The following THADA variants were observed in gnomAD, a reference collection of about 807,000 sequenced individuals.
The protein encoded by THADA is tRNA (32-2'-O)-methyltransferase regulator THADA.
THADA carries 213 observed loss-of-function variants against 219.8 expected under a neutral mutation model. That is an observed-to-expected ratio of 0.97 (90% CI 0.87 to 1.09). The LOEUF (loss-of-function observed/expected upper bound fraction) is 1.09, where lower values mean the gene tolerates loss of function less well. THADA is among the 50% of genes least tolerant of loss of function. The probability of loss-of-function intolerance (pLI) is 0.00; values close to 1 mark genes in which losing one functional copy is unlikely to be tolerated. For missense variants in THADA, 2,956 were observed against 2,311.3 expected (o/e 1.28, Z -5.72); for synonymous variants, 1,018 against 828.9 (o/e 1.23, Z -3.92).
At chr2:43,503,382 C>A (rs565362689) in intron 24 of THADA, among the ~76,000 whole-genome samples, 15 of 152,264 alleles carry the variant, frequency 9.9e-5, no homozygotes, top group Admixed American at 2.0e-4. Flanking sequence ...AGGGGCTGAA[C>A]AGGAGCTTAC....
At chr2:43,471,318 G>A (rs1034582562) in intron 26 of THADA, among the ~76,000 whole-genome samples, 1 of 152,142 alleles carries the variant, frequency 6.6e-6, no homozygotes, top group Non-Finnish European at 1.5e-5. Context: ...TTGAGCCCAG[G>A]ACTTTGAGAC....
intron 36 of THADA, among the ~76,000 whole-genome samples, chr2:43,239,184 A>G (rs1668367434): frequency 6.6e-6 from 1 of 152,208 alleles, no homozygotes; most frequent in African/African-American, 2.4e-5. Context: ...CTGGGACTGC[A>G]GAGGAGGGAA....
At chr2:43,588,557 G>A (rs934698296) in intron 4 of THADA, among the ~76,000 whole-genome samples, 1 of 152,016 alleles carries the variant, frequency 6.6e-6, no homozygotes, top group Non-Finnish European at 1.5e-5. Context: ...AATGTACAAA[G>A]AATATGTAAT....
intron 30 of THADA, among the ~76,000 whole-genome samples, chr2:43,335,939 T>C (rs534679355): frequency 2.5e-4 from 38 of 151,784 alleles, no homozygotes; most frequent in African/African-American, 8.7e-4. Context: ...TTACTAAAAA[T>C]ACAAAACCTT....
intron 29 of THADA, among the ~76,000 whole-genome samples, chr2:43,377,835 C>T (rs78183841): frequency 0.028 from 4,227 of 152,250 alleles, 121 homozygotes; most frequent in African/African-American, 0.078. Context: ...CCAGGAAAAA[C>T]TGTTCCTGAA....
intron 25 of THADA, among the ~76,000 whole-genome samples, chr2:43,491,253 T>G (rs1363447361): frequency 2.6e-5 from 4 of 152,232 alleles, no homozygotes; most frequent in Non-Finnish European, 5.9e-5. Flanking sequence ...TAAATGCTAA[T>G]ATGAATCATT....
At chr2:43,457,239 A>G (rs1683125273) in intron 26 of THADA, among the ~76,000 whole-genome samples, 1 of 150,344 alleles carries the variant, frequency 6.7e-6, no homozygotes, top group South Asian at 2.1e-4. Context: ...ACACAATGCT[A>G]CTCTCACTCT....
At chr2:43,469,931 G>A (rs1041219053) in intron 26 of THADA, among the ~76,000 whole-genome samples, 1 of 152,144 alleles carries the variant, frequency 6.6e-6, no homozygotes, top group Non-Finnish European at 1.5e-5. Context: ...AATCCGACAA[G>A]GGCCGGGTGT....
intron 29 of THADA, among the ~76,000 whole-genome samples, chr2:43,386,897 C>T (rs77726569): frequency 1.0e-5 from 1 of 97,312 alleles, no homozygotes; most frequent in Admixed American, 1.2e-4. Context: ...GATTTCCTCT[C>T]AAAAAAAAAA....
intron 28 of THADA, among the ~76,000 whole-genome samples, chr2:43,427,653 T>C (rs1678637071): frequency 6.7e-6 from 1 of 148,902 alleles, no homozygotes; most frequent in Non-Finnish European, 1.5e-5. Flanking sequence ...TAGGTTTACA[T>C]ATATAAAAAA....
At chr2:43,240,281 G>A (rs939594368) in intron 36 of THADA, among the ~76,000 whole-genome samples, 6 of 152,216 alleles carry the variant, frequency 3.9e-5, no homozygotes, top group South Asian at 2.1e-4. Flanking sequence ...CAAAGGCAGC[G>A]TCTGACGGAG....
chr2:43,535,159 T>C (rs887880478), intron 21 of THADA, among the ~76,000 whole-genome samples: 1 of 148,760 alleles, frequency 6.7e-6, no homozygotes, highest in African/African-American at 2.5e-5. Flanking sequence ...TCTGTTCAGA[T>C]CATTTGTCCT....
chr2:43,361,549 C>G (rs532773444), intron 29 of THADA, among the ~76,000 whole-genome samples: 1 of 152,328 alleles, frequency 6.6e-6, no homozygotes, highest in East Asian at 1.9e-4. Flanking sequence ...GCTTTCTTGA[C>G]TCCTCTGTGC....
intron 34 of THADA, among the ~76,000 whole-genome samples, chr2:43,288,078 C>A (rs193167683): frequency 1.4e-4 from 21 of 152,316 alleles, no homozygotes; most frequent in Admixed American, 6.5e-4. Flanking sequence ...TGGACTGTTT[C>A]TATCTGATTT....
chr2:43,464,204 T>A (rs1236945614), intron 26 of THADA, among the ~76,000 whole-genome samples: 1 of 152,158 alleles, frequency 6.6e-6, no homozygotes, highest in Non-Finnish European at 1.5e-5. Context: ...CCTATGTTTC[T>A]CCAACTTGAA....
intron 31 of THADA, among the ~76,000 whole-genome samples, chr2:43,300,789 G>T (rs1676166970): frequency 6.6e-6 from 1 of 152,196 alleles, no homozygotes; most frequent in Admixed American, 6.5e-5. Flanking sequence ...CCAAACTGCT[G>T]CTTGGAAAAA....
chr2:43,414,896 G>C lies in THADA; in HGVS notation c.4058+13204C>G, dbSNP rs562155568. Among the ~76,000 whole-genome samples, 60 of 152,280 alleles carry C rather than the reference G, an allele frequency of 3.9e-4. No homozygotes were observed. The South Asian group carries it at 0.012, about 32-fold the overall frequency. On this transcript the variant is annotated intron_variant, in intron 28 of 37. Transcript: ENST00000405975. ...ATGGAACTACATCTAGAAGGGGTAA[G>C]AAAGAGTTAAAGCTGTAAAAAGAAC...
At chr2:43,423,728 C>G (rs1678041728) in intron 28 of THADA, among the ~76,000 whole-genome samples, 1 of 152,130 alleles carries the variant, frequency 6.6e-6, no homozygotes, top group African/African-American at 2.4e-5. Context: ...GGCCTTTGTT[C>G]AGGATTCTAT....
At chr2:43,516,348 C>A (rs901771444) in intron 22 of THADA, among the ~76,000 whole-genome samples, 1 of 152,108 alleles carries the variant, frequency 6.6e-6, no homozygotes, top group Non-Finnish European at 1.5e-5. Flanking sequence ...CTGTCTAGTC[C>A]TCACAACTTC....
Sources: gnomAD v4.1 joint callset for allele counts (sites outside exome capture counted in the v4.1 genomes callset) on GRCh38, gnomAD v4.1.1 for gene constraint, MANE v1.5 for transcripts, NCBI Gene and HGNC (gene_info 2026-07-23, HGNC 2026-07-21) for gene names.